Variants in SPTA1 observed in about 807,000 individuals in gnomAD.
SPTA1 encodes spectrin alpha, erythrocytic 1.
Under a neutral mutation model 324.7 loss-of-function variants are expected in SPTA1, and 177 were observed. That is an observed-to-expected ratio of 0.55 (90% CI 0.48 to 0.62). SPTA1 has a LOEUF of 0.62. Ranked by LOEUF, SPTA1 falls within the 20% of genes least tolerant of loss-of-function variation. The probability of loss-of-function intolerance (pLI) is 0.00; values close to 1 mark genes in which losing one functional copy is unlikely to be tolerated. For missense variants in SPTA1, 3,162 were observed against 2,883.6 expected, an observed-to-expected ratio of 1.10 and a Z score of -2.21; for synonymous variants, 1,195 against 1,041.3, an observed-to-expected ratio of 1.15 and a Z score of -2.84.
chr1:158,686,050 C>T (rs390718), intron 1 of SPTA1, among the ~76,000 whole-genome samples: 50,466 of 152,120 alleles, frequency 0.33, 9,483 homozygotes, highest in South Asian at 0.55. Context: ...AGCAAAATCA[C>T]CATAGGGTTC....
chr1:158,614,859 C>T (rs1197339062), intron 48 of SPTA1: 1 of 231,302 alleles, frequency 4.3e-6, no homozygotes, highest in Non-Finnish European at 8.5e-6. Context: ...TTTGGCCACA[C>T]TTTAAATGTT....
Position 158,672,080 on chromosome 1 carries a change from G to T in SPTA1, c.1467C>A (p.Asp489Glu). Residue 489 changes from aspartate (D) to glutamate (E), a missense_variant, in exon 11 of 52, where the codon GAC (aspartate) becomes GAA (glutamate). Transcript: ENST00000643759. ...HLFYRDSEQV[D>E]SWMSRQEAFL... ...TTACCTCTTGTCTACTCATCCAACT[G>T]TCCACTTGCTCACTGTCTCTGTAGA... The T allele has an allele frequency of 6.2e-7, 1 of 1,614,018 alleles. No homozygotes were observed.
chr1:158,678,377 AT>A (rs756594578), intron 6 of SPTA1, 23 bp downstream of exon 6: 13 of 1,613,390 alleles, frequency 8.1e-6, no homozygotes, highest in Non-Finnish European at 1.1e-5. Flanking sequence ...AAAGTTTTCT[AT>A]AAAGCAGTGG....
intron 17 of SPTA1, 108 bp from the exon 18 acceptor site, chr1:158,661,517 T>A: frequency 7.0e-7 from 1 of 1,427,952 alleles, no homozygotes; most frequent in Non-Finnish European, 9.8e-7. Context: ...TTTGAAGTTC[T>A]AACCATTGAG....
chr1:158,635,021 C>T (rs1557938359), intron 38 of SPTA1, among the ~76,000 whole-genome samples: 1 of 152,212 alleles, frequency 6.6e-6, no homozygotes, highest in Non-Finnish European at 1.5e-5. Context: ...ACTCTGAGCA[C>T]TGCCTTCTTT....
chr1:158,657,342 C>T, intron 19 of SPTA1, 135 bp downstream of exon 19: 2 of 879,648 alleles, frequency 2.3e-6, no homozygotes, highest in Non-Finnish European at 3.7e-6. Flanking sequence ...CAGATGAAGG[C>T]CAACGGCGAC....
intron 18 of SPTA1, among the ~76,000 whole-genome samples, chr1:158,659,325 G>A (rs1189691094): frequency 1.3e-5 from 2 of 151,818 alleles, no homozygotes; most frequent in Non-Finnish European, 2.9e-5. Context: ...TTAATTCCTG[G>A]AATAGTGGCT....
At chr1:158,621,305 G>C (rs1649898199) in intron 43 of SPTA1, among the ~76,000 whole-genome samples, 1 of 152,142 alleles carries the variant, frequency 6.6e-6, no homozygotes, top group Non-Finnish European at 1.5e-5. Context: ...ACATAAAAAT[G>C]AATTTTTCAT....
chr1:158,675,944 C>G (rs1654361815), intron 8 of SPTA1, among the ~76,000 whole-genome samples, 197 bp downstream of exon 8: 1 of 152,074 alleles, frequency 6.6e-6, no homozygotes, highest in African/African-American at 2.4e-5. Context: ...TAACTGAAAC[C>G]ACAGATAAGG....
Position 158,681,649 on chromosome 1 carries a change from G to A in SPTA1, c.409C>T (p.Arg137Cys), listed in dbSNP as rs772799574. The A allele has an allele frequency of 1.9e-5, 30 of 1,613,524 alleles. No individual in the cohort carries two copies. The highest frequency in any genetic ancestry group is 1.8e-4 in the East Asian group (8 of 44,852). ...TCTAACAGCAGGTCCCACAGGTGGC[G>A]TAGCTCCTCTATATGGGCCTTTAGG... Reference protein sequence around the residue: ...EETKAHIEELRHLWDLLLELT... With the variant: ...EETKAHIEELCHLWDLLLELT... The change falls in exon 4 of 52, where the codon CGC becomes TGC. Residue 137 changes from arginine to cysteine, a missense_variant. Transcript: ENST00000643759.
At chr1:158,659,336 T>C (rs16840452) in intron 18 of SPTA1, among the ~76,000 whole-genome samples, 13,360 of 152,034 alleles carry the variant, frequency 0.088, 1,945 homozygotes, top group African/African-American at 0.3. Context: ...AATAGTGGCT[T>C]TCAAATTTGT....
At chr1:158,612,237 C>T (rs1649299095) in intron 51 of SPTA1, 1 of 158,256 alleles carries the variant, frequency 6.3e-6, no homozygotes. Flanking sequence ...CCTTTGATGA[C>T]TTGATGAGTT....
At position 158,623,885 on chromosome 1, in the gene SPTA1, C is replaced by G. The variant is rs113706399; in HGVS notation, c.5911-693G>C. Among the ~76,000 whole-genome samples, 841 of 152,286 alleles carry G rather than the reference C, an allele frequency of 5.5e-3. 5 individuals are homozygous for G. The highest frequency in any genetic ancestry group is 0.019 in the African/African-American group (800 of 41,570). On this transcript the variant is annotated intron_variant, in intron 42 of 51. Coordinates refer to ENST00000643759, the MANE Select transcript of SPTA1 (RefSeq NM_003126.4). ...CGGGTAACAGGTAGGGGTTCCTGGG[C>G]TGGGCCCAGGGCTCCCTGATTTGTG...
intron 45 of SPTA1, 130 bp downstream of exon 45, chr1:158,619,092 C>A: frequency 1.1e-6 from 1 of 903,248 alleles, no homozygotes; most frequent in Non-Finnish European, 1.8e-6. Flanking sequence ...AAAGCATAGG[C>A]AAGATATGGG....
At chr1:158,632,564 C>T (rs531733802) in intron 39 of SPTA1, among the ~76,000 whole-genome samples, 1 of 152,200 alleles carries the variant, frequency 6.6e-6, no homozygotes, top group African/African-American at 2.4e-5. Flanking sequence ...AAATGTAAAA[C>T]ATCATTATCC....
intron 11 of SPTA1, 133 bp from the exon 12 acceptor site, chr1:158,671,586 G>T: frequency 1.4e-6 from 1 of 727,096 alleles, no homozygotes; most frequent in Non-Finnish European, 2.4e-6. Context: ...ATAATGGGTA[G>T]AAATTAACTT....
chr1:158,650,239 T>C (rs1473690796), intron 24 of SPTA1, among the ~76,000 whole-genome samples: 1 of 152,168 alleles, frequency 6.6e-6, no homozygotes, highest in African/African-American at 2.4e-5. Flanking sequence ...AAAAAATGAA[T>C]GGGAAGTGTT....
chr1:158,661,419 A>G lies in SPTA1; in HGVS notation c.2465-10T>C. On this transcript the variant is annotated splice_polypyrimidine_tract_variant and intron_variant, in intron 17 of 51. Coordinates refer to ENST00000643759, the MANE Select transcript of SPTA1 (RefSeq NM_003126.4). The stretch of plus-strand genomic sequence containing the variant: ...GCAATCAGGTCCTTTCCTGCAGAGG[A>G]AAGGAATTTCAAAGTTTCGGATTAT... 1 of 1,613,808 alleles carries G rather than the reference A, an allele frequency of 6.2e-7. No homozygotes were observed. The highest frequency in any genetic ancestry group is 8.5e-7 in the Non-Finnish European group (1 of 1,179,822).
intron 46 of SPTA1, among the ~76,000 whole-genome samples, 185 bp downstream of exon 46, chr1:158,617,854 G>A (rs1016273815): frequency 1.4e-4 from 22 of 152,150 alleles, no homozygotes; most frequent in African/African-American, 5.3e-4. Flanking sequence ...ATGTAGGCAA[G>A]ATTCCGTCTA....
Sources: allele counts gnomAD v4.1 joint callset (sites outside exome capture counted in the v4.1 genomes callset), GRCh38; gene constraint gnomAD v4.1.1; transcripts MANE v1.5; gene names NCBI Gene and HGNC (gene_info 2026-07-23, HGNC 2026-07-21).